PCDH15: variants seen among roughly 807,000 people sequenced by gnomAD.
PCDH15 encodes protocadherin related 15, also known as protocadherin-15.
A neutral mutation model predicts 178.5 loss-of-function variants in PCDH15; 129 were observed. That is an observed-to-expected ratio of 0.72 (90% CI 0.63 to 0.84). The LOEUF is 0.84. Ranked by LOEUF, PCDH15 falls within the 40% of genes least tolerant of loss-of-function variation. The pLI is 0.00. For synonymous variants in PCDH15, 800 were observed against 732.0 expected, an observed-to-expected ratio of 1.09 and a Z score of -1.50; for missense variants, 2,230 against 2,099.9, an observed-to-expected ratio of 1.06 and a Z score of -1.21.
At chr10:54,443,446 C>T (rs1018551237) in intron 3 of PCDH15, among the ~76,000 whole-genome samples, 1 of 151,034 alleles carries the variant, frequency 6.6e-6, no homozygotes, top group African/African-American at 2.4e-5. Context: ...ATGTACTAGG[C>T]ACTTAGATAC....
At chr10:54,675,102 A>C (rs1230316862) in intron 1 of PCDH15, among the ~76,000 whole-genome samples, 1 of 152,008 alleles carries the variant, frequency 6.6e-6, no homozygotes, top group Non-Finnish European at 1.5e-5. Context: ...TGGTACGTTC[A>C]TTACTAGAGT....
chr10:54,945,982 A>G (rs1838189372), intron 2 of PCDH15, among the ~76,000 whole-genome samples: 1 of 151,856 alleles, frequency 6.6e-6, no homozygotes, highest in South Asian at 2.1e-4. Context: ...TACTGAATTG[A>G]CAGTAGAATG....
intron 3 of PCDH15, among the ~76,000 whole-genome samples, chr10:54,421,829 T>G (rs1955439681): frequency 1.2e-5 from 1 of 80,864 alleles, no homozygotes; most frequent in African/African-American, 5.4e-5. Context: ...TATATATATA[T>G]ATATATATAC....
chr10:54,675,138 A>T (rs2094759285), intron 1 of PCDH15, among the ~76,000 whole-genome samples: 1 of 151,960 alleles, frequency 6.6e-6, no homozygotes, highest in Non-Finnish European at 1.5e-5. Flanking sequence ...TAAATTTTTA[A>T]ATTTATTACA....
intron 21 of PCDH15, among the ~76,000 whole-genome samples, chr10:53,974,501 T>G (rs557877028): frequency 6.6e-6 from 1 of 152,252 alleles, no homozygotes; most frequent in African/African-American, 2.4e-5. Context: ...TATAAACTAC[T>G]AACCTGTCAT....
At chr10:54,456,755 T>C (rs963618261) in intron 3 of PCDH15, among the ~76,000 whole-genome samples, 3 of 152,168 alleles carry the variant, frequency 2.0e-5, no homozygotes, top group African/African-American at 7.2e-5. Flanking sequence ...TCTTCACATG[T>C]CATGGGAGGG....
chr10:55,038,461 A>G (rs993182798), intron 2 of PCDH15, among the ~76,000 whole-genome samples: 1 of 152,200 alleles, frequency 6.6e-6, no homozygotes, highest in African/African-American at 2.4e-5. Context: ...AAAATTGCTA[A>G]CTTGTTTTCT....
intron 1 of PCDH15, among the ~76,000 whole-genome samples, chr10:54,739,687 C>T (rs1944547654): frequency 6.6e-6 from 1 of 151,590 alleles, no homozygotes; most frequent in Non-Finnish European, 1.5e-5. Context: ...TAGAAATATA[C>T]ACATAAGCCA....
intron 1 of PCDH15, among the ~76,000 whole-genome samples, chr10:55,301,297 T>G (rs1073665): frequency 0.18 from 27,737 of 152,126 alleles, 3,710 homozygotes; most frequent in African/African-American, 0.38. Flanking sequence ...ATTGTATCCA[T>G]TCTGATAGGT....
chr10:54,874,970 G>T (rs975459617), intron 3 of PCDH15, among the ~76,000 whole-genome samples: 1 of 152,106 alleles, frequency 6.6e-6, no homozygotes, highest in Admixed American at 6.6e-5. Flanking sequence ...TTTGCAAATA[G>T]CAAATTGATT....
At chr10:54,665,830 G>T (rs2094562119) in intron 1 of PCDH15, among the ~76,000 whole-genome samples, 1 of 151,952 alleles carries the variant, frequency 6.6e-6, no homozygotes, top group Non-Finnish European at 1.5e-5. Flanking sequence ...GGGACAGAAA[G>T]CCCAAAGAAG....
At chr10:53,971,343 C>A (rs2089662931) in intron 21 of PCDH15, among the ~76,000 whole-genome samples, 1 of 152,092 alleles carries the variant, frequency 6.6e-6, no homozygotes, top group Non-Finnish European at 1.5e-5. Flanking sequence ...ACTGAATGGG[C>A]AAAAACTGGA....
intron 6 of PCDH15, among the ~76,000 whole-genome samples, chr10:54,341,946 G>A (rs1421935463): frequency 1.3e-5 from 2 of 152,202 alleles, no homozygotes; most frequent in African/African-American, 2.4e-5. Context: ...TATTCAAGAT[G>A]TGACCTGTCT....
At chr10:55,073,819 C>G (rs897575088) in intron 2 of PCDH15, among the ~76,000 whole-genome samples, 1 of 152,028 alleles carries the variant, frequency 6.6e-6, no homozygotes, top group African/African-American at 2.4e-5. Flanking sequence ...GATTTATTCT[C>G]ACTACTTCTT....
At chr10:54,529,838 C>A (rs1467302292) in intron 2 of PCDH15, among the ~76,000 whole-genome samples, 1 of 151,910 alleles carries the variant, frequency 6.6e-6, no homozygotes, top group African/African-American at 2.4e-5. Context: ...TTATTATGTA[C>A]ATAGAAATGA....
chr10:54,094,390 A>G (rs1360658779), intron 15 of PCDH15, among the ~76,000 whole-genome samples: 1 of 152,204 alleles, frequency 6.6e-6, no homozygotes, highest in African/African-American at 2.4e-5. Flanking sequence ...CACTTATAGA[A>G]GTGATCATGA....
chr10:54,347,665 T>C (rs1943522985), intron 5 of PCDH15, among the ~76,000 whole-genome samples: 1 of 151,864 alleles, frequency 6.6e-6, no homozygotes, highest in Non-Finnish European at 1.5e-5. Flanking sequence ...GATGAGACGG[T>C]GGAAAATAGA....
Position 54,872,738 on chromosome 10 carries a change from C to G in PCDH15, c.-29+24712G>C, listed in dbSNP as rs577042009. On this transcript the variant is annotated intron_variant, in intron 3 of 5. Coordinates refer to the PCDH15 transcript ENST00000458638. Reference sequence around the variant, plus strand: ...ATGAGATTTTTGTCACTGGGAGCCACGAAGTGTCTGTAGCTATCAGGATTA... The same window carrying G: ...ATGAGATTTTTGTCACTGGGAGCCAGGAAGTGTCTGTAGCTATCAGGATTA... Among the ~76,000 whole-genome samples the G allele has an allele frequency of 1.2e-4, 19 of 152,054 alleles. 1 individual carries two copies. The highest frequency in any genetic ancestry group is 4.3e-4 in the African/African-American group (18 of 41,476).
At chr10:55,016,765 C>T (rs1840191329) in intron 2 of PCDH15, among the ~76,000 whole-genome samples, 1 of 152,116 alleles carries the variant, frequency 6.6e-6, no homozygotes, top group South Asian at 2.1e-4. Context: ...ATATACCTAG[C>T]AGTGGGATTG....
Sources: gnomAD v4.1 joint callset for allele counts (sites outside exome capture counted in the v4.1 genomes callset) on GRCh38, gnomAD v4.1.1 for gene constraint, MANE v1.5 for transcripts, NCBI Gene and HGNC (gene_info 2026-07-23, HGNC 2026-07-21) for gene names.